Variants in ADAMTS9 observed in about 807,000 individuals in gnomAD.
The protein encoded by ADAMTS9 is ADAM metallopeptidase with thrombospondin type 1 motif 9.
In ADAMTS9, 107 loss-of-function variants were observed where a neutral mutation model predicts 257.1. The observed-to-expected ratio is 0.42, with a 90% CI of 0.36 to 0.49. ADAMTS9 has a LOEUF of 0.49. ADAMTS9 is among the 20% of genes least tolerant of loss of function. The probability of loss-of-function intolerance (pLI) is 0.03; values close to 1 mark genes in which losing one functional copy is unlikely to be tolerated. For missense variants in ADAMTS9, 2,353 were observed against 2,469.1 expected (o/e 0.95, Z 1.00); for synonymous variants, 982 against 880.9 (o/e 1.11, Z -2.03).
chr3:64,629,960 C>T (rs1700327616), intron 16 of ADAMTS9, among the ~76,000 whole-genome samples: 1 of 152,202 alleles, frequency 6.6e-6, no homozygotes, highest in South Asian at 2.1e-4. Flanking sequence ...TACTCATTTA[C>T]CAGCTGAATA....
At position 64,622,501 on chromosome 3, in the gene ADAMTS9, A is replaced by G. The variant is rs1576128192; in HGVS notation, c.2475T>C (p.Ala825=). ...TCTCGGACCCACTGTACTCTACCAC[A>G]GCATTCCCAATGCGAATTTCCCTTT... The part of the protein sequence containing the change: ...MAKREIRIGN[A]VVEYSGSETA... The change falls in exon 17 of 40, where the codon GCT becomes GCC. Residue 825 remains alanine, a synonymous_variant. Coordinates refer to ENST00000498707, the MANE Select transcript of ADAMTS9 (RefSeq NM_182920.2). The G allele has an allele frequency of 1.9e-6, 3 of 1,614,170 alleles. No homozygotes were observed. Among genetic ancestry groups the G allele is most frequent in the Admixed American group, 1.7e-5 (1 of 60,026 alleles).
intron 38 of ADAMTS9, among the ~76,000 whole-genome samples, chr3:64,531,147 G>C (rs77441101): frequency 4.6e-5 from 7 of 151,408 alleles, no homozygotes; most frequent in Admixed American, 4.1e-4. Flanking sequence ...GGAGAAGAGA[G>C]AGAGTGAGAT....
chr3:64,564,794 A>C (rs1576027018), intron 29 of ADAMTS9, among the ~76,000 whole-genome samples: 1 of 152,222 alleles, frequency 6.6e-6, no homozygotes, highest in Middle Eastern at 3.4e-3. Flanking sequence ...CTCTAGGCTA[A>C]GCATTTTACA....
rs1030895338 is a variant in ADAMTS9 at position 64,531,203 on chromosome 3, G to C, written c.5718+1963C>G. 3.3e-5 allele frequency among the ~76,000 whole-genome samples: 5 copies of C among 152,158 alleles called. No homozygotes were observed. The East Asian group carries it at 5.8e-4, about 18-fold the overall frequency. On this transcript the variant is annotated intron_variant, in intron 38 of 39. Coordinates refer to ENST00000498707, the MANE Select transcript of ADAMTS9 (RefSeq NM_182920.2). ...AACTTAATCATGGCAGCTAGAAAAA[G>C]AGATCAGGAAACAGATTTTCCTGGA...
rs748440207 is a variant in ADAMTS9 at position 64,622,152 on chromosome 3, A to G, written c.2686+46T>C. ...TGTTATTAAAAATAAATAAATAAAT[A>G]AAATAAACTTCTCAAATCCCCAGAA... On this transcript the variant is annotated intron_variant, in intron 18 of 39. Transcript: ENST00000498707. The G allele has an allele frequency of 5.8e-6, 9 of 1,551,922 alleles. No individual in the cohort carries two copies. The African/African-American group carries it at 1.2e-4, about 22-fold the overall frequency.
At position 64,686,953 on chromosome 3, in the gene ADAMTS9, G is replaced by C. The variant is rs758371852; in HGVS notation, c.131C>G (p.Thr44Ser). The C allele has an allele frequency of 1.2e-6, 2 of 1,613,804 alleles. No homozygotes were observed. Among genetic ancestry groups the C allele is most frequent in the Non-Finnish European group, 8.5e-7 (1 of 1,179,796 alleles). ...LHPRQVKLLE[T>S]LSEYEIVSPI... is the part of the protein sequence containing the mutation. ...AGACACGATTTCGTATTCGCTCAGG[G>C]TCTCTAATAATTTCACTGCGGAGAG... is the stretch of plus-strand genomic sequence containing the variant. Residue 44 changes from threonine to serine, a missense_variant, in exon 2 of 40, where the codon ACC becomes AGC. Coordinates refer to ENST00000498707, the MANE Select transcript of ADAMTS9 (RefSeq NM_182920.2). This position sits in a 1 kb window ranked among gnomAD's most constrained non-coding sequence, Gnocchi z 4.6.
chr3:64,586,445 G>C (rs1379912778), intron 28 of ADAMTS9, among the ~76,000 whole-genome samples: 1 of 152,090 alleles, frequency 6.6e-6, no homozygotes, highest in Non-Finnish European at 1.5e-5. Context: ...AGAATCATTT[G>C]AACTATTTCT....
intron 22 of ADAMTS9, among the ~76,000 whole-genome samples, chr3:64,611,633 T>C (rs150991057): frequency 1.1e-3 from 175 of 152,218 alleles, no homozygotes; most frequent in Middle Eastern, 3.4e-3. Flanking sequence ...CATTAGATTC[T>C]CATAAGGAGT....
intron 29 of ADAMTS9, among the ~76,000 whole-genome samples, chr3:64,567,112 G>A (rs1005020700): frequency 2.0e-5 from 3 of 152,192 alleles, no homozygotes; most frequent in African/African-American, 4.8e-5. Context: ...GGAGGATATG[G>A]AGGGCAGTGA....
intron 22 of ADAMTS9, among the ~76,000 whole-genome samples, chr3:64,611,174 ACTGAAATAAATGC>A (rs1310914190): frequency 6.6e-6 from 1 of 152,084 alleles, no homozygotes; most frequent in African/African-American, 2.4e-5. Context: ...GAAGCCAGGT[ACTGAAATAAATGC>A]CTGAAATAAA....
intron 31 of ADAMTS9, among the ~76,000 whole-genome samples, chr3:64,547,512 A>ATTTTTT (rs58728148): frequency 2.9e-4 from 35 of 122,108 alleles, no homozygotes; most frequent in Non-Finnish European, 4.4e-4. Flanking sequence ...CTGGCTATAG[A>ATTTTTT]TTTTTTTTTT....
intron 6 of ADAMTS9, 89 bp downstream of exon 6, chr3:64,655,487 C>T: frequency 9.2e-7 from 1 of 1,091,472 alleles, no homozygotes; most frequent in Non-Finnish European, 1.4e-6. Context: ...AGAAACCCTC[C>T]ACTAGCAGCT....
chr3:64,676,208 C>T (rs1419150460), intron 3 of ADAMTS9, among the ~76,000 whole-genome samples: 3 of 152,036 alleles, frequency 2.0e-5, no homozygotes, highest in Admixed American at 6.6e-5. Flanking sequence ...AATAAAGGAC[C>T]GATAATCTCC....
At chr3:64,639,409 G>A in intron 12 of ADAMTS9, among the ~76,000 whole-genome samples, 1 of 148,470 alleles carries the variant, frequency 6.7e-6, no homozygotes, top group African/African-American at 2.5e-5. Flanking sequence ...TGAATGTGAG[G>A]ATCTTTGTTG....
At chr3:64,638,867 G>C (rs932582307) in intron 12 of ADAMTS9, among the ~76,000 whole-genome samples, 1 of 151,466 alleles carries the variant, frequency 6.6e-6, no homozygotes, top group African/African-American at 2.4e-5. Flanking sequence ...GATAAATATT[G>C]TGAAAAAAGA....
intron 37 of ADAMTS9, among the ~76,000 whole-genome samples, chr3:64,534,205 C>A (rs1223666541): frequency 6.6e-6 from 1 of 152,098 alleles, no homozygotes; most frequent in Non-Finnish European, 1.5e-5. Context: ...CTGATCAGAC[C>A]CGCGTGTAAG....
At position 64,541,211 on chromosome 3, in the gene ADAMTS9, T is replaced by C; in HGVS notation, c.5405A>G (p.Glu1802Gly). The C allele has an allele frequency of 2.5e-6, 4 of 1,614,174 alleles. No homozygotes were observed. The highest frequency in any genetic ancestry group is 3.4e-6 in the Non-Finnish European group (4 of 1,180,030). The change falls in exon 36 of 40, where the codon GAA (glutamate) becomes GGA (glycine). Residue 1802 changes from glutamate (E) to glycine (G), a missense_variant. Physicochemically the swap from Glu to Gly is moderately conservative, Grantham distance 98. Around this residue, in one of 3 missense-constraint regions of ADAMTS9, gnomAD observed 1,402 missense variants for 1,441.4 expected, o/e 0.97. Coordinates refer to ENST00000498707, the MANE Select transcript of ADAMTS9 (RefSeq NM_182920.2). ...GCGCCGGCTCCCGTTATAGGGACAT[T>C]CTGTTGGGTTGTGTAACCTAAATTA... ...VYGHRLHNPT[E>G]CPYNGSRRDD...
At chr3:64,647,902 T>C (rs745663960) in intron 11 of ADAMTS9, 38 bp downstream of exon 11, 12 of 1,577,952 alleles carry the variant, frequency 7.6e-6, no homozygotes, top group Non-Finnish European at 1.0e-5. Flanking sequence ...TGCACATTTC[T>C]GCCCTAAGAC....
intron 37 of ADAMTS9, among the ~76,000 whole-genome samples, chr3:64,536,081 T>C (rs1283272261): frequency 6.6e-6 from 1 of 152,178 alleles, no homozygotes; most frequent in Non-Finnish European, 1.5e-5. Context: ...TTCTGGACAA[T>C]GCCCCCAGCC....
Sources: allele counts gnomAD v4.1 joint callset (sites outside exome capture counted in the v4.1 genomes callset), GRCh38; gene constraint gnomAD v4.1.1; regional missense constraint gnomAD v4.1.1; non-coding constraint Gnocchi (gnomAD v3.1); transcripts MANE v1.5; gene names NCBI Gene and HGNC (gene_info 2026-07-23, HGNC 2026-07-21).